The following TACR3 variants were observed in gnomAD, a reference collection of about 807,000 sequenced individuals.
TACR3 encodes neuromedin-K receptor.
TACR3 carries 34 observed loss-of-function variants against 35.0 expected under a neutral mutation model. The ratio of observed to expected loss-of-function variants is 0.97; its 90% confidence interval spans 0.74 to 1.30. The LOEUF (loss-of-function observed/expected upper bound fraction) is 1.30. TACR3 is among the 50% of genes most tolerant of loss of function. The pLI is 0.00. For missense variants in TACR3, 558 were observed against 591.7 expected (o/e 0.94, Z 0.59); for synonymous variants, 233 against 221.1 (o/e 1.05, Z -0.48).
chr4:103,662,845 G>A lies in TACR3; in HGVS notation c.549-4442C>T, dbSNP rs865918360. 2.0e-5 allele frequency among the ~76,000 whole-genome samples: 3 copies of A among 152,106 alleles called. 1 individual carries two copies. The highest frequency in any genetic ancestry group is 7.2e-5 in the African/African-American group (3 of 41,420). On this transcript the variant is annotated intron_variant, in intron 1 of 4. Transcript: ENST00000304883. ...AAGAGTCCCCTACAGGTTCTTGAGG[G>A]AGCATGTATCATGGAGCATCGATTT...
At chr4:103,716,217 G>T (rs1028842865) in intron 1 of TACR3, among the ~76,000 whole-genome samples, 1 of 48,318 alleles carries the variant, frequency 2.1e-5, no homozygotes, top group Non-Finnish European at 4.0e-5. Context: ...ATTTTATCTT[G>T]TGTGTGTGTG....
intron 3 of TACR3, among the ~76,000 whole-genome samples, chr4:103,593,704 A>G (rs1723942988): frequency 6.6e-6 from 1 of 152,130 alleles, no homozygotes; most frequent in Non-Finnish European, 1.5e-5. Flanking sequence ...CCAGGGCTTA[A>G]GTACCTCACC....
At chr4:103,621,215 CA>C (rs1341739496) in intron 3 of TACR3, among the ~76,000 whole-genome samples, 6 of 152,136 alleles carry the variant, frequency 3.9e-5, no homozygotes, top group Non-Finnish European at 7.3e-5. Context: ...TGGGGGAAAG[CA>C]GGGACGAGTC....
At chr4:103,591,807 T>A in intron 3 of TACR3, 124 bp from the exon 4 acceptor site, 1 of 958,946 alleles carries the variant, frequency 1.0e-6, no homozygotes, top group Admixed American at 2.2e-5. Flanking sequence ...ATAGTCAATA[T>A]ATTAAAAAAT....
intron 3 of TACR3, among the ~76,000 whole-genome samples, chr4:103,626,741 G>T (rs1724900089): frequency 6.6e-6 from 1 of 152,078 alleles, no homozygotes; most frequent in Non-Finnish European, 1.5e-5. Context: ...ATAGTTTAAG[G>T]TTAAGGGAAT....
intron 1 of TACR3, among the ~76,000 whole-genome samples, chr4:103,675,940 T>G (rs1162939138): frequency 6.6e-6 from 1 of 152,214 alleles, no homozygotes; most frequent in Non-Finnish European, 1.5e-5. Context: ...TCATACCTTT[T>G]ATTTATATAA....
At chr4:103,612,033 T>C (rs1295461915) in intron 3 of TACR3, among the ~76,000 whole-genome samples, 3 of 152,218 alleles carry the variant, frequency 2.0e-5, no homozygotes, top group Non-Finnish European at 2.9e-5. Context: ...AAATAGCAGA[T>C]ACAGTAACTT....
At chr4:103,627,176 C>A (rs1251206672) in intron 3 of TACR3, among the ~76,000 whole-genome samples, 2 of 92,050 alleles carry the variant, frequency 2.2e-5, no homozygotes, top group Non-Finnish European at 4.0e-5. Flanking sequence ...TGTGAGACTC[C>A]GTCTCAAAAA....
chr4:103,613,273 G>A (rs1440820276), intron 3 of TACR3, among the ~76,000 whole-genome samples: 2 of 152,306 alleles, frequency 1.3e-5, no homozygotes, highest in Non-Finnish European at 2.9e-5. Flanking sequence ...GTAAATATCT[G>A]TGTGATAAAG....
chr4:103,707,836 G>A (rs933296404), intron 1 of TACR3, among the ~76,000 whole-genome samples: 1 of 152,152 alleles, frequency 6.6e-6, no homozygotes, highest in Non-Finnish European at 1.5e-5. Flanking sequence ...CTTAGCAAAC[G>A]GCACACCAGG....
chr4:103,638,747 AAAAC>A (rs1432334402), intron 3 of TACR3, among the ~76,000 whole-genome samples: 95 of 152,262 alleles, frequency 6.2e-4, no homozygotes, highest in African/African-American at 2.1e-3. Flanking sequence ...TTTACAAGAA[AAAAC>A]AAACAACCCC....
intron 1 of TACR3, among the ~76,000 whole-genome samples, chr4:103,696,974 T>C (rs1401954562): frequency 6.6e-6 from 1 of 152,172 alleles, no homozygotes; most frequent in African/African-American, 2.4e-5. Flanking sequence ...TATGCAGTGG[T>C]GCAGCCATAG....
chr4:103,715,622 T>C (rs1399588051), intron 1 of TACR3, among the ~76,000 whole-genome samples: 1 of 152,174 alleles, frequency 6.6e-6, no homozygotes, highest in East Asian at 1.9e-4. Context: ...TTTAAAAAAA[T>C]ATTTAATTAA....
chr4:103,587,528 T>A lies in TACR3; in HGVS notation c.*2154A>T, dbSNP rs1182358182. On this transcript the variant is annotated 3_prime_UTR_variant, in exon 5 of 5. Transcript: ENST00000304883. ...AAATAAATGTCTTAGAAAATTCTAC[T>A]GAATTTCTCTAATATGTGAGGGCCA... 6.6e-6 allele frequency: 1 copy of A among 152,118 alleles called. No homozygotes were observed. The highest frequency in any genetic ancestry group is 1.5e-5 in the Non-Finnish European group (1 of 67,986). The allele number at this position is 152,118 out of a possible 1,614,324, so 9.4% of individuals were successfully genotyped here.
chr4:103,676,047 C>T (rs1312451728), intron 1 of TACR3, among the ~76,000 whole-genome samples: 1 of 152,096 alleles, frequency 6.6e-6, no homozygotes, highest in Admixed American at 6.6e-5. Context: ...GTTTTTTGCA[C>T]ACTCAGTGCT....
At chr4:103,590,341 T>G (rs576025287) in intron 4 of TACR3, among the ~76,000 whole-genome samples, 5 of 152,318 alleles carry the variant, frequency 3.3e-5, no homozygotes, top group African/African-American at 1.2e-4. Context: ...TACATAAATA[T>G]AATTGAATTA....
At position 103,586,639 on chromosome 4, in the gene TACR3, ACT is replaced by A. The variant is rs1188197976; in HGVS notation, c.*3041_*3042del. 6.6e-6 allele frequency: 1 copy of A among 152,002 alleles called. No individual in the cohort carries two copies. The highest frequency in any genetic ancestry group is 1.9e-4 in the East Asian group (1 of 5,178). The allele number at this position is 152,002 out of a possible 1,614,324, so 9.4% of individuals were successfully genotyped here. Reference sequence around the variant, plus strand: ...GGTTCACTCTGAAATTGCTCAGTTCACTGTTTCTAAGACATTGGCAGGATTTG... The same window carrying A: ...GGTTCACTCTGAAATTGCTCAGTTCAGTTTCTAAGACATTGGCAGGATTTG... On this transcript the variant is annotated 3_prime_UTR_variant, in exon 5 of 5. Coordinates refer to ENST00000304883, the MANE Select transcript of TACR3 (RefSeq NM_001059.3).
At chr4:103,667,678 T>C (rs1725962345) in intron 1 of TACR3, among the ~76,000 whole-genome samples, 2 of 152,170 alleles carry the variant, frequency 1.3e-5, no homozygotes. Context: ...TTACCACTTA[T>C]CTTACATGAA....
At chr4:103,677,358 ATAT>A (rs1726191498) in intron 1 of TACR3, among the ~76,000 whole-genome samples, 1 of 152,082 alleles carries the variant, frequency 6.6e-6, no homozygotes, top group African/African-American at 2.4e-5. Flanking sequence ...CCCATTACTG[ATAT>A]ATACCCAAAG....
Sources: allele counts gnomAD v4.1 joint callset (sites outside exome capture counted in the v4.1 genomes callset), GRCh38; gene constraint gnomAD v4.1.1; transcripts MANE v1.5; gene names NCBI Gene and HGNC (gene_info 2026-07-23, HGNC 2026-07-21).